The following UBXN4 variants were observed in gnomAD, a reference collection of about 807,000 sequenced individuals.
The protein encoded by UBXN4 is UBX domain-containing protein 4.
UBXN4 carries 35 observed loss-of-function variants against 66.2 expected under a neutral mutation model. The ratio of observed to expected loss-of-function variants is 0.53; its 90% confidence interval spans 0.40 to 0.70. The LOEUF (loss-of-function observed/expected upper bound fraction) is 0.70. Among genes scored for constraint, UBXN4 ranks in the 30% least tolerant of loss-of-function variants. The probability of loss-of-function intolerance (pLI) is 0.00; values close to 1 mark genes in which losing one functional copy is unlikely to be tolerated. For synonymous variants in UBXN4, 203 were observed against 204.5 expected, an observed-to-expected ratio of 0.99 and a Z score of 0.06; for missense variants, 533 against 599.8, an observed-to-expected ratio of 0.89 and a Z score of 1.16.
chr2:135,752,116 C>T (rs1043370004), intron 2 of UBXN4, among the ~76,000 whole-genome samples: 5 of 151,776 alleles, frequency 3.3e-5, no homozygotes, highest in Non-Finnish European at 7.4e-5. Flanking sequence ...GGCATGATCT[C>T]GGCTCACTGC....
rs1489155240 is a variant in UBXN4, at chr2:135,778,979, T to G, written c.1085T>G (p.Leu362Ter). The change falls in exon 11 of 13, where the codon TTA (leucine) becomes TGA (stop). Residue 362 changes from leucine (L) to a stop codon, truncating the protein, a stop_gained. Transcript: ENST00000272638. LOFTEE classifies it high-confidence loss of function. ...GGCAACACTTACGGTAATTTTTCGT[T>G]AGCAACCATGTTTCCCAGGAGGGAA... ...TVGNTYGNFS[L>*]ATMFPRREFT... The G allele has an allele frequency of 6.2e-7, 1 of 1,612,814 alleles. No homozygotes were observed. The highest frequency in any genetic ancestry group is 1.3e-5 in the African/African-American group (1 of 74,896).
At chr2:135,761,952 A>G (rs2077318910) in intron 6 of UBXN4, 41 bp downstream of exon 6, 2 of 1,565,248 alleles carry the variant, frequency 1.3e-6, no homozygotes, top group Non-Finnish European at 1.7e-6. Flanking sequence ...GTTTAAAAAG[A>G]CAGTGGTTTT....
chr2:135,754,905 C>T (rs531926031), intron 4 of UBXN4, among the ~76,000 whole-genome samples: 1 of 152,284 alleles, frequency 6.6e-6, no homozygotes. Context: ...CTGCCTCAGC[C>T]TCCCCAGTGG....
intron 11 of UBXN4, among the ~76,000 whole-genome samples, chr2:135,779,901 T>C (rs1168962203): frequency 7.3e-6 from 1 of 137,332 alleles, no homozygotes; most frequent in Non-Finnish European, 1.5e-5. Flanking sequence ...ATATAAAATA[T>C]AATATATATA....
At chr2:135,758,471 C>G (rs1262790932) in intron 5 of UBXN4, among the ~76,000 whole-genome samples, 1 of 151,988 alleles carries the variant, frequency 6.6e-6, no homozygotes. Context: ...GCCTTGCCCT[C>G]TGAAAGTGCT....
At chr2:135,756,280 T>C (rs1256431241) in intron 5 of UBXN4, among the ~76,000 whole-genome samples, 1 of 152,196 alleles carries the variant, frequency 6.6e-6, no homozygotes, top group Non-Finnish European at 1.5e-5. Flanking sequence ...GATGTTAGGA[T>C]ATTAGTGTCC....
At chr2:135,753,636 AT>A in intron 3 of UBXN4, 69 bp downstream of exon 3, 1 of 1,263,906 alleles carries the variant, frequency 7.9e-7, no homozygotes, top group Non-Finnish European at 1.1e-6. Flanking sequence ...AATTTATGAA[AT>A]TTAGAAATTA....
chr2:135,781,512 T>C (rs1411723696), intron 12 of UBXN4, among the ~76,000 whole-genome samples: 1 of 152,244 alleles, frequency 6.6e-6, no homozygotes, highest in African/African-American at 2.4e-5. Flanking sequence ...TTCTTTTTTC[T>C]CTGCCCTCAG....
At chr2:135,778,193 A>G (rs2077429864) in intron 10 of UBXN4, among the ~76,000 whole-genome samples, 1 of 151,658 alleles carries the variant, frequency 6.6e-6, no homozygotes, top group African/African-American at 2.4e-5. Context: ...AAAAAACAAA[A>G]AAAAACCCAA....
At chr2:135,759,002 G>A (rs998307144) in intron 5 of UBXN4, among the ~76,000 whole-genome samples, 2 of 152,138 alleles carry the variant, frequency 1.3e-5, no homozygotes, top group African/African-American at 2.4e-5. Flanking sequence ...CAGGTGATAC[G>A]CCTGCCTCAG....
At chr2:135,749,660 ATAATATTAATACTTCACAAAC>A (rs2077230072) in intron 2 of UBXN4, among the ~76,000 whole-genome samples, 2 of 151,920 alleles carry the variant, frequency 1.3e-5, no homozygotes, top group South Asian at 4.1e-4. Flanking sequence ...AAGCATAACT[ATAATATTAATACTTCACAAAC>A]TAATAATAAT....
intron 6 of UBXN4, among the ~76,000 whole-genome samples, chr2:135,764,846 G>A (rs904352884): frequency 8.5e-5 from 13 of 152,048 alleles, no homozygotes; most frequent in African/African-American, 3.1e-4. Context: ...GATGAAGTCT[G>A]GCTCTGTTGC....
At chr2:135,745,842 A>G (rs1027721609) in intron 1 of UBXN4, among the ~76,000 whole-genome samples, 3 of 125,648 alleles carry the variant, frequency 2.4e-5, no homozygotes, top group African/African-American at 8.9e-5. Flanking sequence ...TTAATGGAGC[A>G]TTTGGTCTGT....
chr2:135,779,418 T>C (rs956395779), intron 11 of UBXN4, among the ~76,000 whole-genome samples: 1 of 152,202 alleles, frequency 6.6e-6, no homozygotes, highest in African/African-American at 2.4e-5. Context: ...CTCTACTGTT[T>C]GCCAAAAATA....
At position 135,741,968 on chromosome 2, in the gene UBXN4, G is replaced by A; in HGVS notation, c.39G>A (p.Ala13=). 1 of 1,613,464 alleles carries A rather than the reference G, an allele frequency of 6.2e-7. No homozygotes were observed. Among genetic ancestry groups the A allele is most frequent in the Non-Finnish European group, 8.5e-7 (1 of 1,179,732 alleles). The change falls in exon 1 of 13, where the codon GCG becomes GCA. Residue 13 remains alanine, a synonymous_variant. Coordinates refer to ENST00000272638, the MANE Select transcript of UBXN4 (RefSeq NM_014607.4). ...AGGGCGCCATTCCGGCCGCCATCGC[G>A]ACGGCCAAAAGGAGCGGCGCGGTCT... ...WFQGAIPAAI[A]TAKRSGAVFV...
At chr2:135,769,595 G>A (rs2077369977) in intron 6 of UBXN4, among the ~76,000 whole-genome samples, 174 bp from the exon 7 acceptor site, 3 of 152,048 alleles carry the variant, frequency 2.0e-5, no homozygotes, top group Admixed American at 6.6e-5. Context: ...ATGGGCTCTC[G>A]TTGACTCCAG....
At chr2:135,746,727 G>A (rs1173183745) in intron 1 of UBXN4, among the ~76,000 whole-genome samples, 2 of 152,058 alleles carry the variant, frequency 1.3e-5, no homozygotes, top group African/African-American at 2.4e-5. Context: ...AGGAATAGAA[G>A]GAAAAAGAAT....
intron 11 of UBXN4, among the ~76,000 whole-genome samples, chr2:135,779,689 A>G (rs558145736): frequency 6.6e-6 from 1 of 151,960 alleles, no homozygotes; most frequent in African/African-American, 2.4e-5. Flanking sequence ...TCTTCTTATA[A>G]AAGTTTAATA....
chr2:135,773,905 A>G (rs576703498), intron 9 of UBXN4, among the ~76,000 whole-genome samples: 1 of 152,354 alleles, frequency 6.6e-6, no homozygotes, highest in South Asian at 2.1e-4. Context: ...AAAGTATCCT[A>G]TGTTCATGGA....
Sources: allele counts gnomAD v4.1 joint callset (sites outside exome capture counted in the v4.1 genomes callset), GRCh38; gene constraint gnomAD v4.1.1; transcripts MANE v1.5; gene names NCBI Gene and HGNC (gene_info 2026-07-23, HGNC 2026-07-21).